Variants in SUZ12 observed in about 807,000 individuals in gnomAD.
The protein encoded by SUZ12 is polycomb protein SUZ12.
Under a neutral mutation model 87.3 loss-of-function variants are expected in SUZ12, and 17 were observed. The observed-to-expected ratio is 0.19, with a 90% CI of 0.13 to 0.29. The LOEUF (loss-of-function observed/expected upper bound fraction) is 0.29. SUZ12 is among the 10% of genes least tolerant of loss of function. The pLI, the probability that SUZ12 is intolerant of heterozygous loss-of-function variation, is 1.00. For synonymous variants in SUZ12, 253 were observed against 312.4 expected (o/e 0.81, Z 2.01); for missense variants, 526 against 912.2 (o/e 0.58, Z 5.45).
At chr17:31,986,260 C>T (rs1323574752) in intron 9 of SUZ12, among the ~76,000 whole-genome samples, 1 of 152,060 alleles carries the variant, frequency 6.6e-6, no homozygotes, top group African/African-American at 2.4e-5. Context: ...AGCTCTTAAC[C>T]CTGTAAAATG....
intron 5 of SUZ12, among the ~76,000 whole-genome samples, chr17:31,971,035 G>T (rs932431014): frequency 1.1e-4 from 16 of 152,214 alleles, no homozygotes; most frequent in African/African-American, 3.6e-4. Context: ...AATTTACATA[G>T]AGAATATAGA....
chr17:31,984,798 T>G (rs1242231342), intron 9 of SUZ12, among the ~76,000 whole-genome samples: 3 of 152,178 alleles, frequency 2.0e-5, no homozygotes, highest in Non-Finnish European at 4.4e-5. Context: ...GATTAAAAGT[T>G]TGACAGTTTC....
chr17:31,970,872 A>G (rs1908388412), intron 5 of SUZ12, among the ~76,000 whole-genome samples: 2 of 152,066 alleles, frequency 1.3e-5, no homozygotes, highest in Admixed American at 6.5e-5. Context: ...TTGTGTGTTC[A>G]TGGATTCATC....
intron 5 of SUZ12, among the ~76,000 whole-genome samples, chr17:31,969,591 A>G (rs1908295479): frequency 6.6e-6 from 1 of 152,326 alleles, no homozygotes; most frequent in Middle Eastern, 3.4e-3. Flanking sequence ...CACCACGCCT[A>G]TGTTGAAAAT....
chr17:31,949,850 A>G (rs1286389748), intron 4 of SUZ12, among the ~76,000 whole-genome samples: 1 of 150,774 alleles, frequency 6.6e-6, no homozygotes, highest in African/African-American at 2.4e-5. Context: ...CACCCAGCTG[A>G]TTTTGTATTT....
Position 31,998,525 on chromosome 17 carries a change from C to G in SUZ12, c.1875-133C>G, listed in dbSNP as rs16967068. 3,710 of 629,862 alleles carry G rather than the reference C, an allele frequency of 5.9e-3. 105 individuals carry two copies. The African/African-American group carries it at 0.06, about 10-fold the overall frequency. The allele number at this position is 629,862 out of a possible 1,614,324, so 39.0% of individuals were successfully genotyped here. ...TTCAGATGATTGAATTTCAGTTTCT[C>G]TATAGTTTTACTGCTTCTTTAATCA... On this transcript the variant is annotated intron_variant, in intron 15 of 15. Coordinates refer to ENST00000322652, the MANE Select transcript of SUZ12 (RefSeq NM_015355.4).
chr17:31,970,311 A>G (rs1567825597), intron 5 of SUZ12, among the ~76,000 whole-genome samples: 2 of 152,118 alleles, frequency 1.3e-5, no homozygotes, highest in Non-Finnish European at 2.9e-5. Context: ...CACACCCCCA[A>G]TAAGAATGTT....
chr17:31,947,411 G>A (rs1326043014), intron 3 of SUZ12, among the ~76,000 whole-genome samples: 2 of 152,274 alleles, frequency 1.3e-5, no homozygotes, highest in South Asian at 2.1e-4. Flanking sequence ...AAACAAGTTA[G>A]CGTTTTAGAT....
chr17:31,938,575 A>G (rs1349322275), intron 1 of SUZ12, among the ~76,000 whole-genome samples: 1 of 152,226 alleles, frequency 6.6e-6, no homozygotes, highest in Non-Finnish European at 1.5e-5. Flanking sequence ...ATGGAAACGA[A>G]TATTGAACCT....
intron 3 of SUZ12, among the ~76,000 whole-genome samples, chr17:31,945,029 T>C (rs1173293004): frequency 1.5e-5 from 2 of 137,050 alleles, no homozygotes; most frequent in African/African-American, 5.6e-5. Context: ...GCCGGTGCAC[T>C]CTAGCCTGGG....
intron 8 of SUZ12, among the ~76,000 whole-genome samples, chr17:31,980,751 CCTT>C (rs549893958): frequency 1.4e-3 from 209 of 152,078 alleles, no homozygotes; most frequent in African/African-American, 4.6e-3. Context: ...CCCCGGCCTA[CCTT>C]CTTCTTTTCT....
chr17:31,973,663 TA>T (rs1908571738), intron 6 of SUZ12, among the ~76,000 whole-genome samples: 1 of 152,180 alleles, frequency 6.6e-6, no homozygotes, highest in Non-Finnish European at 1.5e-5. Context: ...GCCATTCACT[TA>T]TTAGTACATT....
chr17:31,999,069 A>C lies in SUZ12; in HGVS notation c.*66A>C, dbSNP rs968611418. ...ATTTTAGGGAATTCATCCTCTAAGA[A>C]TTATGTTTTTGTTTTTAATCATATG... On this transcript the variant is annotated 3_prime_UTR_variant, in exon 16 of 16. Transcript: ENST00000322652. The C allele has an allele frequency of 1.0e-5, 14 of 1,351,070 alleles. No homozygotes were observed. The African/African-American group carries it at 1.8e-4, about 17-fold the overall frequency. The allele number at this position is 1,351,070 out of a possible 1,614,324, so 83.7% of individuals were successfully genotyped here.
chr17:31,951,532 G>T (rs1906979108), intron 4 of SUZ12, among the ~76,000 whole-genome samples: 1 of 151,190 alleles, frequency 6.6e-6, no homozygotes, highest in Non-Finnish European at 1.5e-5. Flanking sequence ...ACCCAGGCTG[G>T]AGTGCAGTGG....
intron 8 of SUZ12, 54 bp downstream of exon 8, chr17:31,976,668 C>T: frequency 6.2e-6 from 8 of 1,288,628 alleles, no homozygotes; most frequent in Non-Finnish European, 8.8e-6. Flanking sequence ...TGTTTTCATT[C>T]TGAAGCAGAA....
Position 31,949,314 on chromosome 17 carries a change from C to T in SUZ12, c.455+1629C>T, listed in dbSNP as rs192927341. Reference sequence around the variant, plus strand: ...TCAATAGCAACTCAAACATTAAAATCAGAGGGTTACATAAATTCCTGCTGG... The same window carrying T: ...TCAATAGCAACTCAAACATTAAAATTAGAGGGTTACATAAATTCCTGCTGG... On this transcript the variant is annotated intron_variant, in intron 4 of 15. Coordinates refer to ENST00000322652, the MANE Select transcript of SUZ12 (RefSeq NM_015355.4). Among the ~76,000 whole-genome samples, 10 of 152,224 alleles carry T rather than the reference C, an allele frequency of 6.6e-5. No homozygotes were observed. In the East Asian group the frequency reaches 1.9e-3, roughly 29 times the overall value.
chr17:31,983,565 C>G (rs1909241274), intron 9 of SUZ12, among the ~76,000 whole-genome samples: 1 of 152,166 alleles, frequency 6.6e-6, no homozygotes, highest in African/African-American at 2.4e-5. Context: ...CAGGCATGAG[C>G]CACTGCACCC....
At chr17:31,951,650 G>A (rs528203839) in intron 4 of SUZ12, among the ~76,000 whole-genome samples, 3 of 151,400 alleles carry the variant, frequency 2.0e-5, no homozygotes, top group African/African-American at 4.8e-5. Context: ...CTAATTTTTT[G>A]TATTTTTAGT....
intron 8 of SUZ12, among the ~76,000 whole-genome samples, chr17:31,977,342 ATC>A (rs1908818727): frequency 6.7e-6 from 1 of 149,456 alleles, no homozygotes; most frequent in Non-Finnish European, 1.5e-5. Flanking sequence ...CAGTGGCGCA[ATC>A]TCTGCTCACT....
Sources: allele counts gnomAD v4.1 joint callset (sites outside exome capture counted in the v4.1 genomes callset), GRCh38; gene constraint gnomAD v4.1.1; transcripts MANE v1.5; gene names NCBI Gene and HGNC (gene_info 2026-07-23, HGNC 2026-07-21).